Variants in DCAF7 observed in about 807,000 individuals in gnomAD.
DCAF7 encodes DDB1 and CUL4 associated factor 7, also known as DDB1- and CUL4-associated factor 7.
DCAF7 carries 4 observed loss-of-function variants against 41.2 expected under a neutral mutation model. The ratio of observed to expected loss-of-function variants is 0.10; its 90% CI spans 0.05 to 0.22. The LOEUF (loss-of-function observed/expected upper bound fraction) is 0.22, where lower values mean the gene tolerates loss of function less well. Ranked by LOEUF, DCAF7 falls within the 10% of genes least tolerant of loss-of-function variation. DCAF7 has a pLI of 1.00. For synonymous variants in DCAF7, 143 were observed against 164.2 expected (o/e 0.87, Z 0.99); for missense variants, 131 against 443.2 (o/e 0.30, Z 6.32).
At chr17:63,580,040 T>A in intron 4 of DCAF7, 97 bp downstream of exon 4, 1 of 845,034 alleles carries the variant, frequency 1.2e-6, no homozygotes, top group Non-Finnish European at 1.9e-6. Context: ...GCAATTTATG[T>A]AGAAAATCAT....
intron 1 of DCAF7, among the ~76,000 whole-genome samples, chr17:63,558,101 C>T (rs994068401): frequency 6.6e-6 from 1 of 152,128 alleles, no homozygotes; most frequent in East Asian, 1.9e-4. Flanking sequence ...TGCCATGTTG[C>T]CCAGGCTGGT....
chr17:63,568,220 C>T (rs1459075058), intron 1 of DCAF7, among the ~76,000 whole-genome samples: 1 of 151,954 alleles, frequency 6.6e-6, no homozygotes, highest in Non-Finnish European at 1.5e-5. Flanking sequence ...AGGCTGGCCT[C>T]GAACTCCTGA....
intron 4 of DCAF7, among the ~76,000 whole-genome samples, chr17:63,582,892 T>C (rs888546288): frequency 6.6e-6 from 1 of 152,246 alleles, no homozygotes; most frequent in Non-Finnish European, 1.5e-5. Flanking sequence ...GATTCACTTA[T>C]GATCTCAAAC....
chr17:63,556,533 C>T (rs1396735102), intron 1 of DCAF7, among the ~76,000 whole-genome samples: 1 of 150,380 alleles, frequency 6.6e-6, no homozygotes, highest in East Asian at 2.0e-4. Flanking sequence ...TGTGCCACTG[C>T]ACTCCAGCCT....
chr17:63,589,209 G>T lies in DCAF7; in HGVS notation c.*37G>T. 6.2e-7 allele frequency: 1 copy of T among 1,610,902 alleles called. No individual in the cohort carries two copies. ...CTGTGCCCACGAGGCAGGGGCTTTT[G>T]TATTTCCTGCCTCTGCCCCACCCCC... On this transcript the variant is annotated 3_prime_UTR_variant, in exon 7 of 7. Coordinates refer to ENST00000614556, the MANE Select transcript of DCAF7 (RefSeq NM_005828.5).
chr17:63,560,195 G>A (rs2033366004), intron 1 of DCAF7, among the ~76,000 whole-genome samples: 1 of 152,136 alleles, frequency 6.6e-6, no homozygotes, highest in Middle Eastern at 3.4e-3. Flanking sequence ...AAAAACCGTG[G>A]TAATCTACTG....
intron 6 of DCAF7, among the ~76,000 whole-genome samples, chr17:63,586,794 A>T (rs553674644): frequency 6.6e-6 from 1 of 152,148 alleles, no homozygotes; most frequent in Non-Finnish European, 1.5e-5. Context: ...CTGGTTGTCA[A>T]TGCACTTTTA....
In DCAF7 at chr17:63,592,198, C is replaced by G. The variant is rs1004862883; in HGVS notation, c.*3026C>G. ...TGGCCAGATCCCAAGGTCAGAAGAT[C>G]GAGACCATCCTGGCTAACATGGTGA... On this transcript the variant is annotated 3_prime_UTR_variant, in exon 7 of 7. Coordinates refer to ENST00000614556, the MANE Select transcript of DCAF7 (RefSeq NM_005828.5). 10 of 152,068 alleles carry G rather than the reference C, an allele frequency of 6.6e-5. No homozygotes were observed. The highest frequency in any genetic ancestry group is 1.9e-4 in the African/African-American group (8 of 41,378). The allele number at this position is 152,068 out of a possible 1,614,324, so 9.4% of individuals were successfully genotyped here. A position where few individuals can be genotyped will look rare whatever the true frequency, so the allele number is the denominator to read the frequency against.
At chr17:63,586,072 C>T (rs1376446245) in intron 6 of DCAF7, among the ~76,000 whole-genome samples, 1 of 142,056 alleles carries the variant, frequency 7.0e-6, no homozygotes, top group African/African-American at 2.7e-5. Context: ...TTGCATTGAC[C>T]AGAGATTATG....
chr17:63,551,311 C>T (rs73994310), intron 1 of DCAF7, among the ~76,000 whole-genome samples: 1 of 148,530 alleles, frequency 6.7e-6, no homozygotes, highest in Non-Finnish European at 1.5e-5. Context: ...ACTCCCACCC[C>T]CCCCGGGTAC....
intron 1 of DCAF7, among the ~76,000 whole-genome samples, chr17:63,574,302 A>G (rs558640458): frequency 4.6e-5 from 7 of 152,208 alleles, no homozygotes; most frequent in South Asian, 2.1e-4. Flanking sequence ...GTTATCGATT[A>G]TTATCTGTGT....
rs2033586931 is a variant in DCAF7, at chr17:63,578,540, C to T, written c.209C>T (p.Pro70Leu). 6.2e-7 allele frequency: 1 copy of T among 1,614,038 alleles called. No homozygotes were observed. The highest frequency in any genetic ancestry group is 8.5e-7 in the Non-Finnish European group (1 of 1,179,892). The change falls in exon 2 of 7, where the codon CCC (proline) becomes CTC (leucine). Residue 70 changes from proline (P) to leucine (L), a missense_variant. Transcript: ENST00000614556. ...AGAAACACCTTTGACCACCCATACC[C>T]CACCACAAAGCTCATGTGGATCCCT... is the stretch of plus-strand genomic sequence containing the variant. ...ICRNTFDHPY[P>L]TTKLMWIPDT...
chr17:63,558,470 G>A (rs559040739), intron 1 of DCAF7, among the ~76,000 whole-genome samples: 1 of 152,324 alleles, frequency 6.6e-6, no homozygotes, highest in African/African-American at 2.4e-5. Flanking sequence ...CTCTTTTCTT[G>A]TATAGTAAAG....
chr17:63,563,066 C>T (rs1268415823), intron 1 of DCAF7, among the ~76,000 whole-genome samples: 1 of 152,110 alleles, frequency 6.6e-6, no homozygotes, highest in Non-Finnish European at 1.5e-5. Flanking sequence ...CTCAAGCAAT[C>T]CTCCCACCTT....
chr17:63,559,385 A>ATC (rs1568097768), intron 1 of DCAF7, among the ~76,000 whole-genome samples: 1 of 44,726 alleles, frequency 2.2e-5, no homozygotes, highest in African/African-American at 8.7e-5. Flanking sequence ...GTGTATATAT[A>ATC]TGTATATATA....
intron 3 of DCAF7, 41 bp downstream of exon 3, chr17:63,579,489 C>A: frequency 6.8e-7 from 1 of 1,473,280 alleles, no homozygotes. Context: ...TGGAAGAAGC[C>A]AAAATAAATT....
chr17:63,570,410 C>T lies in DCAF7; in HGVS notation c.139-8060C>T, dbSNP rs960984922. On this transcript the variant is annotated intron_variant, in intron 1 of 6. Coordinates refer to ENST00000614556, the MANE Select transcript of DCAF7 (RefSeq NM_005828.5). Reference sequence around the variant, plus strand: ...CGGAGGTTGCAGTGAGCTGAGATTGCGCCACTGCACTCCAGCCTGGGCAAC... The same window carrying T: ...CGGAGGTTGCAGTGAGCTGAGATTGTGCCACTGCACTCCAGCCTGGGCAAC... Among the ~76,000 whole-genome samples the T allele has an allele frequency of 5.9e-5, 9 of 151,290 alleles. No homozygotes were observed. In the South Asian group the frequency reaches 1.0e-3, roughly 18 times the overall value.
chr17:63,569,573 T>TTTTTTG (rs377262760), intron 1 of DCAF7, among the ~76,000 whole-genome samples: 25 of 152,184 alleles, frequency 1.6e-4, no homozygotes, highest in Non-Finnish European at 2.9e-4. Context: ...ACTTTGGTGG[T>TTTTTTG]TTTTTGTTTT....
rs147723823 is a variant in DCAF7 at position 63,562,759 on chromosome 17, A to G, written c.138+11944A>G. Reference sequence around the variant, plus strand: ...TGTGTCCGTGTGTTCTCATTGTTCAATTCCCACCTATGAGTGAGAATATGC... The same window carrying G: ...TGTGTCCGTGTGTTCTCATTGTTCAGTTCCCACCTATGAGTGAGAATATGC... On this transcript the variant is annotated intron_variant, in intron 1 of 6. Transcript: ENST00000614556. Among the ~76,000 whole-genome samples the G allele has an allele frequency of 3.1e-3, 436 of 140,622 alleles. 1 individual carries two copies. Among genetic ancestry groups the G allele is most frequent in the African/African-American group, 0.011 (405 of 37,730 alleles). The allele number at this position is 140,622 out of a possible 152,430, so 92.3% of individuals were successfully genotyped here.
Sources: allele counts gnomAD v4.1 joint callset (sites outside exome capture counted in the v4.1 genomes callset), GRCh38; gene constraint gnomAD v4.1.1; transcripts MANE v1.5; gene names NCBI Gene and HGNC (gene_info 2026-07-23, HGNC 2026-07-21).